The following NEDD1 variants were observed in gnomAD, a reference collection of about 807,000 sequenced individuals.
NEDD1 encodes the protein protein NEDD1.
A neutral mutation model predicts 74.0 loss-of-function variants in NEDD1; 33 were observed. The observed-to-expected ratio is 0.45, with a 90% confidence interval of 0.34 to 0.60. The LOEUF is 0.60. NEDD1 is among the 20% of genes least tolerant of loss of function. NEDD1 has a pLI of 0.01. For missense variants in NEDD1, 746 were observed against 776.5 expected (o/e 0.96, Z 0.47); for synonymous variants, 250 against 264.4 (o/e 0.95, Z 0.53).
At chr12:96,920,509 A>G (rs997820397) in intron 6 of NEDD1, among the ~76,000 whole-genome samples, 1 of 152,174 alleles carries the variant, frequency 6.6e-6, no homozygotes, top group African/African-American at 2.4e-5. Flanking sequence ...TTTTGTGGAC[A>G]TGGAATGATT....
intron 2 of NEDD1, among the ~76,000 whole-genome samples, chr12:96,908,734 A>C (rs1873585163): frequency 6.6e-6 from 1 of 152,234 alleles, no homozygotes; most frequent in Non-Finnish European, 1.5e-5. Context: ...GTGTGACTGG[A>C]TTCTGACCTG....
chr12:96,911,268 G>A (rs1317176509), intron 3 of NEDD1, among the ~76,000 whole-genome samples: 1 of 151,832 alleles, frequency 6.6e-6, no homozygotes, highest in Non-Finnish European at 1.5e-5. Flanking sequence ...TTATTTTTTG[G>A]TTGACTTTTG....
At chr12:96,928,096 C>A (rs1419678088) in intron 6 of NEDD1, among the ~76,000 whole-genome samples, 2 of 152,058 alleles carry the variant, frequency 1.3e-5, no homozygotes, top group Non-Finnish European at 2.9e-5. Flanking sequence ...TTTTTCTCTT[C>A]TAAATTTTCT....
intron 6 of NEDD1, among the ~76,000 whole-genome samples, chr12:96,933,715 G>C (rs1360887376): frequency 6.6e-6 from 1 of 150,906 alleles, no homozygotes; most frequent in Non-Finnish European, 1.5e-5. Flanking sequence ...ATTTTTTGTT[G>C]TTGTTGAGAG....
intron 2 of NEDD1, 131 bp from the exon 3 acceptor site, chr12:96,909,621 T>C (rs1308886972): frequency 1.5e-6 from 1 of 683,982 alleles, no homozygotes; most frequent in African/African-American, 1.8e-5. Flanking sequence ...CTTCAACTGC[T>C]TTGGTGACTG....
intron 6 of NEDD1, among the ~76,000 whole-genome samples, chr12:96,923,699 T>C (rs530909615): frequency 1.3e-5 from 2 of 152,310 alleles, no homozygotes; most frequent in African/African-American, 4.8e-5. Context: ...TAATTTCTTA[T>C]GTATTGCAGG....
chr12:96,928,874 A>G (rs1876027642), intron 6 of NEDD1, among the ~76,000 whole-genome samples: 1 of 151,384 alleles, frequency 6.6e-6, no homozygotes, highest in South Asian at 2.1e-4. Context: ...TTTTTGTAGT[A>G]GAGATGGAGG....
At chr12:96,937,474 C>A in intron 9 of NEDD1, 81 bp downstream of exon 9, 1 of 689,006 alleles carries the variant, frequency 1.5e-6, no homozygotes. Flanking sequence ...ATAATTAGCA[C>A]ATTCTTCAAG....
At chr12:96,907,535 G>C in intron 1 of NEDD1, 69 bp from the exon 2 acceptor site, 5 of 1,372,668 alleles carry the variant, frequency 3.6e-6, no homozygotes, top group Non-Finnish European at 5.1e-6. Context: ...TGCTGCCTCC[G>C]AAAAGTTTGC....
rs1646885611 is a variant in NEDD1, at chr12:96,945,825, T to A, written c.1787T>A (p.Ile596Lys). Residue 596 changes from isoleucine to lysine, a missense_variant, in exon 14 of 16, where the codon ATA becomes AAA. Ile to Lys is a moderately radical substitution (Grantham distance 102). Around this residue, in one of 3 missense-constraint regions of NEDD1, gnomAD observed 706 missense variants for 706.7 expected, o/e 1.00. Transcript: ENST00000266742. ...SIQIRFIQNM[I>K]QETLDDFREA... ...CAAATTCGTTTTATTCAGAACATGA[T>A]ACAGGAAACGTTGGATGACTTTAGG... 2 of 1,611,328 alleles carry A rather than the reference T, an allele frequency of 1.2e-6. No homozygotes were observed. The highest frequency in any genetic ancestry group is 1.7e-6 in the Non-Finnish European group (2 of 1,177,880).
At chr12:96,908,846 T>C (rs1873597369) in intron 2 of NEDD1, among the ~76,000 whole-genome samples, 1 of 152,202 alleles carries the variant, frequency 6.6e-6, no homozygotes. Flanking sequence ...TTCAAGACTC[T>C]GGTGTGGGGA....
rs1873723959 is a variant in NEDD1, at chr12:96,909,890, G to C, written c.131G>C (p.Ser44Thr). The change falls in exon 3 of 16, where the codon AGC becomes ACC. Residue 44 changes from serine to threonine, a missense_variant. By Grantham distance (58) the Ser-to-Thr change is moderately conservative. Around this residue, in one of 3 missense-constraint regions of NEDD1, gnomAD observed 706 missense variants for 706.7 expected, o/e 1.00. Coordinates refer to ENST00000266742, the MANE Select transcript of NEDD1 (RefSeq NM_152905.4). ...PHGISSICWSSNNNFLVTASS... is the reference protein window; with the variant it reads ...PHGISSICWSTNNNFLVTASS... Reference sequence around the variant, plus strand: ...GGAATCAGCTCAATATGTTGGAGCAGCAATAGTATCCTTTAAAAAAAAAAA... The same window carrying C: ...GGAATCAGCTCAATATGTTGGAGCACCAATAGTATCCTTTAAAAAAAAAAA... 6.3e-7 allele frequency: 1 copy of C among 1,590,986 alleles called. No individual in the cohort carries two copies. The highest frequency in any genetic ancestry group is 8.5e-7 in the Non-Finnish European group (1 of 1,171,198).
chr12:96,932,196 C>T (rs992835184), intron 6 of NEDD1, among the ~76,000 whole-genome samples: 3 of 150,804 alleles, frequency 2.0e-5, no homozygotes, highest in South Asian at 2.1e-4. Flanking sequence ...GGGATTTTTT[C>T]CCCCCCATAA....
intron 6 of NEDD1, among the ~76,000 whole-genome samples, chr12:96,927,234 G>A (rs1476511298): frequency 2.0e-5 from 3 of 152,148 alleles, no homozygotes; most frequent in African/African-American, 7.2e-5. Flanking sequence ...GATCAAATTA[G>A]TGTCTTAGTG....
intron 6 of NEDD1, among the ~76,000 whole-genome samples, chr12:96,927,934 A>G (rs1474072858): frequency 1.3e-5 from 2 of 152,220 alleles, no homozygotes; most frequent in East Asian, 3.9e-4. Context: ...TTTATATGAT[A>G]ACATTTCTTT....
chr12:96,942,091 T>G (rs1212116639), intron 10 of NEDD1, among the ~76,000 whole-genome samples: 1 of 152,206 alleles, frequency 6.6e-6, no homozygotes, highest in East Asian at 1.9e-4. Flanking sequence ...TATTCTACCA[T>G]GGAAATAAAC....
chr12:96,944,274 T>C (rs1215691655), intron 12 of NEDD1, among the ~76,000 whole-genome samples: 7 of 152,086 alleles, frequency 4.6e-5, no homozygotes, highest in Admixed American at 4.6e-4. Context: ...ATTGAAAAGA[T>C]ACCATGTAAG....
chr12:96,922,232 G>C (rs1875177608), intron 6 of NEDD1, among the ~76,000 whole-genome samples: 1 of 152,120 alleles, frequency 6.6e-6, no homozygotes, highest in South Asian at 2.1e-4. Flanking sequence ...TCTTTAGAAT[G>C]TGCTAATATT....
chr12:96,916,347 T>C (rs921191466), intron 4 of NEDD1, among the ~76,000 whole-genome samples: 2 of 145,804 alleles, frequency 1.4e-5, no homozygotes, highest in Admixed American at 1.4e-4. Context: ...GCTGGTGCGC[T>C]GCACCCACTA....
Sources: gnomAD v4.1 joint callset for allele counts (sites outside exome capture counted in the v4.1 genomes callset) on GRCh38, gnomAD v4.1.1 for gene constraint, gnomAD v4.1.1 regional missense constraint, MANE v1.5 for transcripts, NCBI Gene and HGNC (gene_info 2026-07-23, HGNC 2026-07-21) for gene names.